Variants in FRMD7 observed in about 807,000 individuals in gnomAD.
FRMD7 encodes the protein FERM domain-containing protein 7.
Under a neutral mutation model 44.1 loss-of-function variants are expected in FRMD7, and 14 were observed. The ratio of observed to expected loss-of-function variants is 0.32; its 90% CI spans 0.21 to 0.50. FRMD7 has a LOEUF of 0.50. Among genes scored for constraint, FRMD7 ranks in the 20% least tolerant of loss-of-function variants. FRMD7 has a pLI of 0.99. For synonymous variants in FRMD7, 212 were observed against 187.4 expected (o/e 1.13, Z -1.07); for missense variants, 501 against 522.3 (o/e 0.96, Z 0.40).
Position 132,078,229 on chromosome X carries a change from C to G in FRMD7, c.1788G>C (p.Met596Ile). ...TPKRSQSQSD[M>I]KTIRFPFGSE... ...ACCCAAAAGGAAAACGAATAGTTTT[C>G]ATGTCTGATTGGCTCTGGGACCTTT... The change falls in exon 12 of 12, where the codon ATG becomes ATC. Residue 596 changes from methionine (M) to isoleucine (I), a missense_variant. Coordinates refer to ENST00000298542, the MANE Select transcript of FRMD7 (RefSeq NM_194277.3). 1 of 1,211,657 alleles carries G rather than the reference C, an allele frequency of 8.3e-7. No homozygotes were observed. Among genetic ancestry groups the G allele is most frequent in the Non-Finnish European group, 1.1e-6 (1 of 895,294 alleles).
At position 132,119,274 on chromosome X, in the gene FRMD7, T is replaced by C. The variant is rs769767768; in HGVS notation, c.57+8514A>G. 3.6e-5 allele frequency among the ~76,000 whole-genome samples: 4 copies of C among 112,399 alleles called. No individual in the cohort carries two copies. The East Asian group carries it at 8.4e-4, about 24-fold the overall frequency. ...TAATGATTGTATGAAATAATGTAAG[T>C]GGAAGTTCCTGGCATGCAGCTAGGT... On this transcript the variant is annotated intron_variant, in intron 1 of 11. Coordinates refer to ENST00000298542, the MANE Select transcript of FRMD7 (RefSeq NM_194277.3).
Position 132,096,780 on chromosome X carries a change from T to C in FRMD7, c.284+486A>G, listed in dbSNP as rs147452919. Among the ~76,000 whole-genome samples, 82 of 110,891 alleles carry C rather than the reference T, an allele frequency of 7.4e-4. 1 individual carries two copies. In the East Asian group the frequency reaches 9.3e-3, roughly 13 times the overall value. ...GAGTAAGGTTTTGAGGAATGTTTTGTTGACAACATATTTTTGCAGAAATAG... is the reference window on the plus strand; with the variant it reads ...GAGTAAGGTTTTGAGGAATGTTTTGCTGACAACATATTTTTGCAGAAATAG... On this transcript the variant is annotated intron_variant, in intron 4 of 11. Transcript: ENST00000298542.
At chrX:132,113,427 A>T (rs1300527074) in intron 1 of FRMD7, among the ~76,000 whole-genome samples, 1 of 111,429 alleles carries the variant, frequency 9.0e-6, no homozygotes, top group Non-Finnish European at 1.9e-5. Context: ...CTTGCCTAGG[A>T]TCTTTCAGCA....
At chrX:132,127,068 G>A (rs1929174451) in intron 1 of FRMD7, among the ~76,000 whole-genome samples, 1 of 112,153 alleles carries the variant, frequency 8.9e-6, no homozygotes, top group Non-Finnish European at 1.9e-5. Flanking sequence ...AGCATTTTTG[G>A]TTCCAATAAA....
chrX:132,080,313 T>C (rs756699949), intron 9 of FRMD7, 47 bp from the exon 10 acceptor site: 20 of 838,583 alleles, frequency 2.4e-5, no homozygotes, highest in Admixed American at 2.0e-4. Flanking sequence ...CATAAACCAA[T>C]AGGCTACTAA....
chrX:132,105,699 A>T (rs1299676445), intron 1 of FRMD7, among the ~76,000 whole-genome samples: 9 of 111,627 alleles, frequency 8.1e-5, no homozygotes, highest in Non-Finnish European at 1.5e-4. Flanking sequence ...GTCCAGAAAT[A>T]AGGCTGCACA....
chrX:132,081,644 A>C (rs903762892), intron 9 of FRMD7, among the ~76,000 whole-genome samples: 2 of 112,837 alleles, frequency 1.8e-5, no homozygotes, highest in Non-Finnish European at 3.7e-5. Flanking sequence ...CTGGGGTAGG[A>C]TATCACTCTT....
chrX:132,086,079 C>T (rs1927980091), intron 5 of FRMD7, 45 bp from the exon 6 acceptor site: 1 of 806,577 alleles, frequency 1.2e-6, no homozygotes, highest in African/African-American at 2.0e-5. Context: ...CTTTGAGGAA[C>T]TTAGCAATGG....
chrX:132,086,299 A>G (rs1260475964), intron 5 of FRMD7, among the ~76,000 whole-genome samples: 1 of 111,229 alleles, frequency 9.0e-6, no homozygotes, highest in African/African-American at 3.3e-5. Flanking sequence ...GGGCTCCAAG[A>G]TCACAGTTGA....
At chrX:132,104,252 G>C (rs1185195863) in intron 1 of FRMD7, among the ~76,000 whole-genome samples, 1 of 111,848 alleles carries the variant, frequency 8.9e-6, no homozygotes. Flanking sequence ...AATATTCCTG[G>C]AGAGGAGATA....
Position 132,126,396 on chromosome X carries a change from A to C in FRMD7, c.57+1392T>G, listed in dbSNP as rs750372553. Among the ~76,000 whole-genome samples, 5 of 111,801 alleles carry C rather than the reference A, an allele frequency of 4.5e-5. No homozygotes were observed. The South Asian group carries it at 1.9e-3, about 42-fold the overall frequency. On this transcript the variant is annotated intron_variant, in intron 1 of 11. Coordinates refer to ENST00000298542, the MANE Select transcript of FRMD7 (RefSeq NM_194277.3). Reference sequence around the variant, plus strand: ...AAGAGACAGTTTGACTTGAAGCCAAATCAAGTCTTCTAGTTGCTGGAAGTG... The same window carrying C: ...AAGAGACAGTTTGACTTGAAGCCAACTCAAGTCTTCTAGTTGCTGGAAGTG...
intron 4 of FRMD7, among the ~76,000 whole-genome samples, chrX:132,095,857 A>G (rs1019100081): frequency 8.9e-6 from 1 of 112,421 alleles, no homozygotes; most frequent in African/African-American, 3.2e-5. Flanking sequence ...TTAGTTGCTA[A>G]AGGAAAGGTG....
In FRMD7 at chrX:132,100,829, C is replaced by T. The variant is rs193261007; in HGVS notation, c.58-113G>A. 1.1e-4 allele frequency: 61 copies of T among 548,527 alleles called. No individual in the cohort carries two copies. The East Asian group carries it at 1.9e-3, about 17-fold the overall frequency. 45.2% of individuals were successfully genotyped at this position (548,527 alleles called of 1,213,427 possible). A position where few individuals can be genotyped will look rare whatever the true frequency, so the allele number is the denominator to read the frequency against. ...CTGCAAGCCCTGTTTCCTTTAAGCA[C>T]TGTTTAGAGGACCTGCATCCTTTTC... On this transcript the variant is annotated intron_variant, in intron 1 of 11. Transcript: ENST00000298542.
At chrX:132,085,545 C>T in intron 7 of FRMD7, 36 bp downstream of exon 7, 2 of 1,197,077 alleles carry the variant, frequency 1.7e-6, no homozygotes, top group African/African-American at 1.7e-5. Context: ...CCACCCCTCA[C>T]TAAAGCTGAA....
chrX:132,096,981 AG>A lies in FRMD7; in HGVS notation c.284+284del, dbSNP rs199980080. On this transcript the variant is annotated intron_variant, in intron 4 of 11. Coordinates refer to ENST00000298542, the MANE Select transcript of FRMD7 (RefSeq NM_194277.3). ...CTCTGACTGAAACACAGATTCATGA[AG>A]GAGAGCACATTCATTGTTGTAGTAG... 5.9e-3 allele frequency among the ~76,000 whole-genome samples: 653 copies of A among 111,231 alleles called. 5 individuals are homozygous for A. Among genetic ancestry groups the A allele is most frequent in the African/African-American group, 0.021 (631 of 30,516 alleles).
At chrX:132,085,005 A>T (rs1927937268) in intron 7 of FRMD7, among the ~76,000 whole-genome samples, 1 of 111,476 alleles carries the variant, frequency 9.0e-6, no homozygotes, top group African/African-American at 3.3e-5. Flanking sequence ...TTGCTGCCTC[A>T]TCTATATTGA....
rs190745499 is a variant in FRMD7 at position 132,093,662 on chromosome X, T to C, written c.382+380A>G. On this transcript the variant is annotated intron_variant, in intron 5 of 11. Coordinates refer to ENST00000298542, the MANE Select transcript of FRMD7 (RefSeq NM_194277.3). Reference sequence around the variant, plus strand: ...AGAGAAATCACAACAAACGTGACAATGTGCTACAGAGAGCATGTATCAGAG... The same window carrying C: ...AGAGAAATCACAACAAACGTGACAACGTGCTACAGAGAGCATGTATCAGAG... 2.3e-3 allele frequency among the ~76,000 whole-genome samples: 256 copies of C among 112,376 alleles called. 1 individual carries two copies. Among genetic ancestry groups the C allele is most frequent in the African/African-American group, 8.0e-3 (246 of 30,904 alleles).
chrX:132,125,658 T>A (rs952122627), intron 1 of FRMD7, among the ~76,000 whole-genome samples: 2 of 112,219 alleles, frequency 1.8e-5, no homozygotes, highest in African/African-American at 6.5e-5. Context: ...CTGTCCCACA[T>A]AATTCTTCAA....
intron 11 of FRMD7, among the ~76,000 whole-genome samples, chrX:132,079,606 A>T (rs1296167016): frequency 8.9e-6 from 1 of 112,445 alleles, no homozygotes; most frequent in Admixed American, 9.4e-5. Context: ...TTTGTCCTTA[A>T]GTTACAAAAT....
Sources: gnomAD v4.1 joint callset for allele counts (sites outside exome capture counted in the v4.1 genomes callset) on GRCh38, gnomAD v4.1.1 for gene constraint, MANE v1.5 for transcripts, NCBI Gene and HGNC (gene_info 2026-07-23, HGNC 2026-07-21) for gene names.